EMP2: variants seen among roughly 807,000 people sequenced by gnomAD.
EMP2 encodes epithelial membrane protein 2.
Under a neutral mutation model 13.7 loss-of-function variants are expected in EMP2, and 19 were observed. That is an observed-to-expected ratio of 1.38 (90% CI 0.97 to 2.03). The LOEUF (loss-of-function observed/expected upper bound fraction) is 2.03, where lower values mean the gene tolerates loss of function less well. Ranked by LOEUF, EMP2 falls within the 30% of genes most tolerant of loss-of-function variation. The pLI is 0.00. For synonymous variants in EMP2, 97 were observed against 84.7 expected (o/e 1.15, Z -0.80); for missense variants, 253 against 220.7 (o/e 1.15, Z -0.93).
chr16:10,572,746 C>A (rs1246919482), intron 1 of EMP2, among the ~76,000 whole-genome samples: 3 of 152,188 alleles, frequency 2.0e-5, no homozygotes, highest in Admixed American at 1.3e-4. Flanking sequence ...ACCTGTAGCA[C>A]CCCGCAATCC....
At chr16:10,562,331 G>A (rs1000730005) in intron 1 of EMP2, among the ~76,000 whole-genome samples, 3 of 135,360 alleles carry the variant, frequency 2.2e-5, no homozygotes, top group Non-Finnish European at 3.1e-5. Flanking sequence ...GAAGCCTCAT[G>A]CATGTTCTCT....
At chr16:10,557,505 T>C (rs1442818860) in intron 1 of EMP2, among the ~76,000 whole-genome samples, 8 of 152,206 alleles carry the variant, frequency 5.3e-5, no homozygotes, top group South Asian at 2.1e-4. Flanking sequence ...TGGTTTGGAT[T>C]ATGGATAAAG....
intron 1 of EMP2, among the ~76,000 whole-genome samples, chr16:10,549,262 G>A (rs1177837204): frequency 6.6e-6 from 1 of 152,212 alleles, no homozygotes; most frequent in Non-Finnish European, 1.5e-5. Flanking sequence ...TCTTACAACA[G>A]AACTACAGTT....
chr16:10,571,985 C>T (rs2050951504), intron 1 of EMP2, among the ~76,000 whole-genome samples: 1 of 152,192 alleles, frequency 6.6e-6, no homozygotes, highest in Admixed American at 6.5e-5. Context: ...AATTTCAAGG[C>T]ACTTTCCACA....
chr16:10,528,578 C>G lies in EMP2; in HGVS notation c.*4327G>C, dbSNP rs1272524044. On this transcript the variant is annotated 3_prime_UTR_variant, in exon 5 of 5. Coordinates refer to ENST00000359543, the MANE Select transcript of EMP2 (RefSeq NM_001424.6). The stretch of plus-strand genomic sequence containing the variant: ...ACATTAGAGTCTTGCTCTGGGCAAT[C>G]TGGTTTTAAACTTTATTTTCCATGT... The G allele has an allele frequency of 6.6e-6, 1 of 152,212 alleles. No homozygotes were observed. The highest frequency in any genetic ancestry group is 1.9e-4 in the East Asian group (1 of 5,208). The allele number at this position is 152,212 out of a possible 1,614,324, so 9.4% of individuals were successfully genotyped here.
intron 1 of EMP2, among the ~76,000 whole-genome samples, chr16:10,557,236 CGTCCCAGCTACTTGGG>C (rs2050836459): frequency 6.6e-6 from 1 of 151,632 alleles, no homozygotes; most frequent in African/African-American, 2.4e-5. Context: ...AGATGCCTAT[CGTCCCAGCTACTTGGG>C]AGGCTGAGGC....
chr16:10,559,562 T>C (rs995522782), intron 1 of EMP2, among the ~76,000 whole-genome samples: 1 of 152,252 alleles, frequency 6.6e-6, no homozygotes, highest in South Asian at 2.1e-4. Flanking sequence ...TCAACAATAA[T>C]GATAGCCAAC....
intron 1 of EMP2, among the ~76,000 whole-genome samples, chr16:10,552,169 G>T (rs1371776312): frequency 6.6e-6 from 1 of 150,986 alleles, no homozygotes; most frequent in Admixed American, 6.6e-5. Flanking sequence ...GGGGAAAAAG[G>T]GCTCATGTAC....
chr16:10,570,545 G>T (rs750192417), intron 1 of EMP2, among the ~76,000 whole-genome samples: 4 of 152,044 alleles, frequency 2.6e-5, no homozygotes, highest in African/African-American at 9.7e-5. Context: ...CTACAGGCAT[G>T]TGCCACCACA....
Position 10,578,976 on chromosome 16 carries a change from G to A in EMP2, c.-61+1573C>T, listed in dbSNP as rs377618807. Among the ~76,000 whole-genome samples, 4 of 152,366 alleles carry A rather than the reference G, an allele frequency of 2.6e-5. No individual in the cohort carries two copies. The East Asian group carries it at 7.7e-4, about 29-fold the overall frequency. ...CATCTCCAGGTGGAAAGAAGGGGAG[G>A]GCTTGGGAGGCAGATGGAGGTTCAA... On this transcript the variant is annotated intron_variant, in intron 1 of 4. Transcript: ENST00000359543.
intron 1 of EMP2, among the ~76,000 whole-genome samples, chr16:10,565,608 A>G (rs2050902287): frequency 6.6e-6 from 1 of 152,198 alleles, no homozygotes; most frequent in South Asian, 2.1e-4. Flanking sequence ...GAACCCTAAT[A>G]TAGCATCACT....
chr16:10,550,994 A>G (rs921032564), intron 1 of EMP2, among the ~76,000 whole-genome samples: 3 of 151,914 alleles, frequency 2.0e-5, no homozygotes, highest in African/African-American at 7.2e-5. Flanking sequence ...AAAATTGTAG[A>G]AGTGATATTT....
chr16:10,534,991 G>A (rs1015580314), intron 4 of EMP2, among the ~76,000 whole-genome samples: 1 of 152,172 alleles, frequency 6.6e-6, no homozygotes, highest in Non-Finnish European at 1.5e-5. Flanking sequence ...TCTAAACAGT[G>A]ACCCTGTCAG....
intron 1 of EMP2, chr16:10,578,117 C>G (rs1313590261): frequency 6.6e-6 from 1 of 152,152 alleles, no homozygotes; most frequent in Non-Finnish European, 1.5e-5. Flanking sequence ...CTTCCTGGTC[C>G]CGTCTGGCGG....
At chr16:10,552,813 G>A (rs1028724214) in intron 1 of EMP2, among the ~76,000 whole-genome samples, 12 of 152,164 alleles carry the variant, frequency 7.9e-5, no homozygotes, top group Non-Finnish European at 1.6e-4. Context: ...GCTGATGTCT[G>A]GGAAGTACTG....
intron 1 of EMP2, among the ~76,000 whole-genome samples, chr16:10,559,888 T>C (rs1446460627): frequency 6.6e-6 from 1 of 152,200 alleles, no homozygotes; most frequent in Admixed American, 6.5e-5. Context: ...TTGGCCAGGC[T>C]GGTCTTGAAC....
rs1219372279 is a variant in EMP2, at chr16:10,528,604, A to C, written c.*4301T>G. ...TGGTTTTAAACTTTATTTTCCATGT[A>C]CAGTTTCAGATTATACAAAACATAG... On this transcript the variant is annotated 3_prime_UTR_variant, in exon 5 of 5. Coordinates refer to ENST00000359543, the MANE Select transcript of EMP2 (RefSeq NM_001424.6). 1.3e-5 allele frequency: 2 copies of C among 152,218 alleles called. No homozygotes were observed. The highest frequency in any genetic ancestry group is 2.9e-5 in the Non-Finnish European group (2 of 68,042). The allele number at this position is 152,218 out of a possible 1,614,324, so 9.4% of individuals were successfully genotyped here.
At chr16:10,569,413 G>C (rs969918810) in intron 1 of EMP2, among the ~76,000 whole-genome samples, 2 of 152,196 alleles carry the variant, frequency 1.3e-5, no homozygotes, top group African/African-American at 4.8e-5. Context: ...GCTTGCTGCA[G>C]CCTTGACCTC....
chr16:10,538,449 G>A (rs769673043), intron 3 of EMP2, among the ~76,000 whole-genome samples: 2 of 152,186 alleles, frequency 1.3e-5, no homozygotes, highest in Non-Finnish European at 2.9e-5. Flanking sequence ...TCAGGATGGG[G>A]CCTTGGGGGT....
Sources: gnomAD v4.1 joint callset for allele counts (sites outside exome capture counted in the v4.1 genomes callset) on GRCh38, gnomAD v4.1.1 for gene constraint, MANE v1.5 for transcripts, NCBI Gene and HGNC (gene_info 2026-07-23, HGNC 2026-07-21) for gene names.